RAC1: variants seen among roughly 807,000 people sequenced by gnomAD.
RAC1 encodes Rac family small GTPase 1.
A neutral mutation model predicts 25.2 loss-of-function variants in RAC1; 2 were observed. The ratio of observed to expected loss-of-function variants is 0.08; its 90% confidence interval spans 0.03 to 0.25. RAC1 has a LOEUF of 0.25. Ranked by LOEUF, RAC1 falls within the 10% of genes least tolerant of loss-of-function variation. The pLI, the probability that RAC1 is intolerant of heterozygous loss-of-function variation, is 1.00. For synonymous variants in RAC1, 88 were observed against 94.0 expected, an observed-to-expected ratio of 0.94 and a Z score of 0.37; for missense variants, 50 against 235.7, an observed-to-expected ratio of 0.21 and a Z score of 5.16.
chr7:6,389,325 G>C (rs1783017305), intron 2 of RAC1, among the ~76,000 whole-genome samples: 2 of 151,962 alleles, frequency 1.3e-5, no homozygotes, highest in Admixed American at 1.3e-4. Flanking sequence ...CCATTAACGT[G>C]GGTTGAAGTT....
At chr7:6,381,655 A>G (rs901143293) in intron 1 of RAC1, among the ~76,000 whole-genome samples, 11 of 152,100 alleles carry the variant, frequency 7.2e-5, no homozygotes, top group African/African-American at 1.4e-4. Context: ...TTGCCCTCCT[A>G]AAGTGCTAGG....
At chr7:6,400,818 G>C (rs1198667197) in intron 4 of RAC1, among the ~76,000 whole-genome samples, 1 of 152,076 alleles carries the variant, frequency 6.6e-6, no homozygotes, top group East Asian at 1.9e-4. Context: ...TGGGATTACA[G>C]GCATGCACCA....
At chr7:6,381,601 C>T (rs1266424174) in intron 1 of RAC1, among the ~76,000 whole-genome samples, 3 of 151,804 alleles carry the variant, frequency 2.0e-5, no homozygotes, top group South Asian at 4.2e-4. Context: ...CACTGTGCTG[C>T]CCAGGCTGGT....
At chr7:6,389,100 G>T (rs1783008218) in intron 2 of RAC1, among the ~76,000 whole-genome samples, 1 of 151,876 alleles carries the variant, frequency 6.6e-6, no homozygotes, top group African/African-American at 2.4e-5. Flanking sequence ...TACTCAGGAG[G>T]CTGAGGCATG....
chr7:6,394,702 C>A (rs1783181048), intron 3 of RAC1, among the ~76,000 whole-genome samples: 1 of 151,808 alleles, frequency 6.6e-6, no homozygotes, highest in South Asian at 2.1e-4. Context: ...TTGTTTGAGA[C>A]AGAGTTTCGC....
At chr7:6,395,400 C>T (rs1318770887) in intron 3 of RAC1, among the ~76,000 whole-genome samples, 1 of 152,188 alleles carries the variant, frequency 6.6e-6, no homozygotes, top group Non-Finnish European at 1.5e-5. Context: ...CAAGTGCAGC[C>T]AGAGAGCACC....
chr7:6,400,288 A>G (rs775679536), intron 4 of RAC1, 100 bp downstream of exon 4: 25 of 1,259,718 alleles, frequency 2.0e-5, no homozygotes, highest in Non-Finnish European at 2.8e-5. Context: ...TAGTTATTTA[A>G]ATTGGTTTTA....
chr7:6,387,433 T>G, intron 2 of RAC1, 150 bp downstream of exon 2: 1 of 614,158 alleles, frequency 1.6e-6, no homozygotes, highest in Non-Finnish European at 2.8e-6. Context: ...TTATAAGGTA[T>G]ATTAGGCTTT....
rs146247344 is a variant in RAC1 at position 6,378,835 on chromosome 7, C to T, written c.35+4065C>T. Among the ~76,000 whole-genome samples, 888 of 152,246 alleles carry T rather than the reference C, an allele frequency of 5.8e-3. 7 individuals are homozygous for T. The highest frequency in any genetic ancestry group is 0.018 in the African/African-American group (747 of 41,540). ...GGGCGCGATGGCTCATGCCTGTAAT[C>T]CCAGAACTTTGGGAGGCCAAGGCAG... On this transcript the variant is annotated intron_variant, in intron 1 of 5. Transcript: ENST00000348035.
intron 3 of RAC1, among the ~76,000 whole-genome samples, chr7:6,394,244 A>G (rs1248181707): frequency 1.3e-5 from 2 of 152,192 alleles, no homozygotes; most frequent in African/African-American, 4.8e-5. Context: ...TGTTCAGACC[A>G]TTCATTTCTT....
At chr7:6,398,672 C>A (rs1410056598) in intron 3 of RAC1, 1 of 1,613,694 alleles carries the variant, frequency 6.2e-7, no homozygotes, top group Non-Finnish European at 8.5e-7. Flanking sequence ...GTTGGAGAAA[C>A]GTACGGTAAG....
chr7:6,378,836 C>A (rs918487680), intron 1 of RAC1, among the ~76,000 whole-genome samples: 13 of 151,628 alleles, frequency 8.6e-5, no homozygotes, highest in African/African-American at 3.2e-4. Context: ...GCCTGTAATC[C>A]CAGAACTTTG....
intron 3 of RAC1, among the ~76,000 whole-genome samples, chr7:6,392,407 A>G (rs1360285956): frequency 1.3e-5 from 2 of 152,254 alleles, no homozygotes; most frequent in East Asian, 3.8e-4. Flanking sequence ...GTTAAGATTC[A>G]GGTTTCTTTA....
chr7:6,375,827 A>G (rs570907702), intron 1 of RAC1: 1 of 151,966 alleles, frequency 6.6e-6, no homozygotes. Flanking sequence ...AGGAAGACAA[A>G]ACTTGTCTTA....
At chr7:6,399,484 C>G (rs1440913559) in intron 3 of RAC1, among the ~76,000 whole-genome samples, 1 of 152,240 alleles carries the variant, frequency 6.6e-6, no homozygotes, top group African/African-American at 2.4e-5. Flanking sequence ...GAAGCACCCT[C>G]TACTCTGTCC....
At chr7:6,383,928 G>T (rs374013712) in intron 1 of RAC1, among the ~76,000 whole-genome samples, 1 of 148,994 alleles carries the variant, frequency 6.7e-6, no homozygotes, top group African/African-American at 2.5e-5. Context: ...TCAGCCTCCC[G>T]AGTAGCTGGG....
chr7:6,376,496 T>TC lies in RAC1; in HGVS notation c.35+1726_35+1727insC, dbSNP rs1782600457. ...ACGGCGCCCGGCCCAATTTTTTTTT[T>TC]TTTTCTTTTCTTTTTTTTTTTTTTG... is the stretch of plus-strand genomic sequence containing the variant. On this transcript the variant is annotated intron_variant, in intron 1 of 5. Transcript: ENST00000348035. Among the ~76,000 whole-genome samples, 3 of 149,090 alleles carry TC rather than the reference T, an allele frequency of 2.0e-5. No individual in the cohort carries two copies. The South Asian group carries it at 6.3e-4, about 31-fold the overall frequency.
In RAC1 at chr7:6,401,636, G is replaced by A. The variant is rs934028757; in HGVS notation, c.289-232G>A. Reference sequence around the variant, plus strand: ...TGCGGTTGTAGAGCCCGTTCTGTCCGGTCGTGGTTCTGTCCAGCCATGATC... The same window carrying A: ...TGCGGTTGTAGAGCCCGTTCTGTCCAGTCGTGGTTCTGTCCAGCCATGATC... On this transcript the variant is annotated intron_variant, in intron 4 of 5. Coordinates refer to ENST00000348035, the MANE Select transcript of RAC1 (RefSeq NM_006908.5). 3 of 346,850 alleles carry A rather than the reference G, an allele frequency of 8.6e-6. No homozygotes were observed. In the East Asian group the frequency reaches 1.4e-4, roughly 17 times the overall value. The allele number at this position is 346,850 out of a possible 1,614,324, so 21.5% of individuals were successfully genotyped here. A position where few individuals can be genotyped will look rare whatever the true frequency, so the allele number is the denominator to read the frequency against.
At chr7:6,387,116 C>T in intron 1 of RAC1, 96 bp from the exon 2 acceptor site, 1 of 811,762 alleles carries the variant, frequency 1.2e-6, no homozygotes, top group Non-Finnish European at 2.0e-6. Flanking sequence ...ATGTATATGC[C>T]TTGATTTTTT....
Sources: gnomAD v4.1 joint callset for allele counts (sites outside exome capture counted in the v4.1 genomes callset) on GRCh38, gnomAD v4.1.1 for gene constraint, MANE v1.5 for transcripts, NCBI Gene and HGNC (gene_info 2026-07-23, HGNC 2026-07-21) for gene names.